Variants in USP44 observed in about 807,000 individuals in gnomAD.
The protein encoded by USP44 is ubiquitin carboxyl-terminal hydrolase 44.
USP44 carries 61 observed loss-of-function variants against 69.0 expected under a neutral mutation model. The ratio of observed to expected loss-of-function variants is 0.88; its 90% CI spans 0.72 to 1.09. The LOEUF is 1.09. Among genes scored for constraint, USP44 ranks in the 50% least tolerant of loss-of-function variants. The pLI is 0.00. For missense variants in USP44, 753 were observed against 849.9 expected (o/e 0.89, Z 1.42); for synonymous variants, 297 against 295.4 (o/e 1.01, Z -0.06).
chr12:95,522,708 G>A (rs1252419762), intron 4 of USP44, among the ~76,000 whole-genome samples: 3 of 150,096 alleles, frequency 2.0e-5, no homozygotes, highest in Non-Finnish European at 2.9e-5. Context: ...AACCCGGGAC[G>A]CAGAGGTTGC....
At chr12:95,531,338 A>G (rs2596733) in intron 2 of USP44, among the ~76,000 whole-genome samples, 11,832 of 152,178 alleles carry the variant, frequency 0.078, 649 homozygotes, top group Non-Finnish European at 0.12. Flanking sequence ...TAAATGCAAA[A>G]TGACCAATTA....
In USP44 at chr12:95,528,724, A is replaced by G. The variant is rs995075113; in HGVS notation, c.1624+83T>C. 21 of 1,404,942 alleles carry G rather than the reference A, an allele frequency of 1.5e-5. No individual in the cohort carries two copies. In the African/African-American group the frequency reaches 2.0e-4, roughly 14 times the overall value. The allele number at this position is 1,404,942 out of a possible 1,614,324, so 87.0% of individuals were successfully genotyped here. A position where few individuals can be genotyped will look rare whatever the true frequency, so the allele number is the denominator to read the frequency against. ...AAAAAAGTTCATTTTCATAACTGCTAAAGATTTCTTTCAGCTTCCTCTCAT... is the reference window on the plus strand; with the variant it reads ...AAAAAAGTTCATTTTCATAACTGCTGAAGATTTCTTTCAGCTTCCTCTCAT... On this transcript the variant is annotated intron_variant, in intron 3 of 5. Coordinates refer to ENST00000258499, the MANE Select transcript of USP44 (RefSeq NM_032147.5).
chr12:95,536,125 C>T (rs968543473), intron 1 of USP44, among the ~76,000 whole-genome samples: 2 of 149,656 alleles, frequency 1.3e-5, no homozygotes, highest in East Asian at 3.9e-4. Context: ...TCACTGCAAC[C>T]TCCACCTCCC....
In USP44 at chr12:95,532,987, C is replaced by A; in HGVS notation, c.1270G>T (p.Ala424Ser). 1.2e-6 allele frequency: 2 copies of A among 1,614,122 alleles called. No individual in the cohort carries two copies. Among genetic ancestry groups the A allele is most frequent in the Non-Finnish European group, 1.7e-6 (2 of 1,180,026 alleles). Residue 424 changes from alanine (A) to serine (S), a missense_variant, in exon 2 of 6, where the codon GCT becomes TCT. Physicochemically the swap from Ala to Ser is moderately conservative, Grantham distance 99 (BLOSUM62 1). Transcript: ENST00000258499. The part of the protein sequence containing the change: ...PAFRGYAQQD[A>S]QEFLCELLDK... Reference sequence around the variant, plus strand: ...AAAAGTTCACAAAGAAATTCCTGAGCGTCTTGTTGGGCGTAACCACGAAAG... The same window carrying A: ...AAAAGTTCACAAAGAAATTCCTGAGAGTCTTGTTGGGCGTAACCACGAAAG...
intron 4 of USP44, chr12:95,521,964 C>T: frequency 1.2e-6 from 1 of 831,570 alleles, no homozygotes; most frequent in Non-Finnish European, 1.4e-6. Context: ...ACTGTGTCCC[C>T]TCGCTGTGTG....
Position 95,548,963 on chromosome 12 carries a change from G to T in USP44, c.-71+2309C>A, listed in dbSNP as rs968965508. 6.6e-6 allele frequency: 1 copy of T among 151,888 alleles called. No homozygotes were observed. Among genetic ancestry groups the T allele is most frequent in the Non-Finnish European group, 1.5e-5 (1 of 68,006 alleles). 9.4% of individuals were successfully genotyped at this position (151,888 alleles called of 1,614,324 possible). On this transcript the variant is annotated intron_variant, in intron 1 of 5. Transcript: ENST00000258499. The surrounding 1 kb of genome is among the most constrained non-coding windows in gnomAD (Gnocchi z 4.1). The stretch of plus-strand genomic sequence containing the variant: ...TGCCGGTGGCCGCCTTCCGCGCCTC[G>T]TGGGGGGGTCGGGGCCACGGACGGT...
At chr12:95,528,762 T>A (rs2076929752) in intron 3 of USP44, 45 bp downstream of exon 3, 1 of 1,552,736 alleles carries the variant, frequency 6.4e-7, no homozygotes, top group Non-Finnish European at 8.7e-7. Flanking sequence ...GCGTTTCTCT[T>A]TATCATTCCT....
chr12:95,534,738 C>T (rs566355329), intron 1 of USP44, among the ~76,000 whole-genome samples: 1 of 148,796 alleles, frequency 6.7e-6, no homozygotes, highest in Non-Finnish European at 1.5e-5. Context: ...TGCAGTGGTG[C>T]GATCTCAGCT....
intron 4 of USP44, among the ~76,000 whole-genome samples, chr12:95,523,978 G>A (rs945083450): frequency 1.3e-5 from 2 of 152,090 alleles, no homozygotes; most frequent in Non-Finnish European, 2.9e-5. Context: ...CAGGGTTCAA[G>A]TGATTCTCCT....
rs761419444 is a variant in USP44, at chr12:95,548,252, G to A, written c.-71+3020C>T. ...CCCTCCCGAAGTGCCCCGGGGCTTC[G>A]AGCATCACCTCGCGGTAATCCGGGA... On this transcript the variant is annotated intron_variant, in intron 1 of 5. Transcript: ENST00000258499. This position sits in a 1 kb window ranked among gnomAD's most constrained non-coding sequence, Gnocchi z 4.1. 8 of 151,988 alleles carry A rather than the reference G, an allele frequency of 5.3e-5. No individual in the cohort carries two copies. The highest frequency in any genetic ancestry group is 1.3e-4 in the Admixed American group (2 of 15,274). 9.4% of individuals were successfully genotyped at this position (151,988 alleles called of 1,614,324 possible).
chr12:95,549,862 C>CT (rs1200678463), intron 1 of USP44, among the ~76,000 whole-genome samples: 2 of 152,054 alleles, frequency 1.3e-5, no homozygotes, highest in African/African-American at 4.8e-5. Flanking sequence ...AGGATTCTAA[C>CT]TAACAGGAAA....
intron 3 of USP44, among the ~76,000 whole-genome samples, chr12:95,526,270 AT>A (rs2076829713): frequency 6.6e-6 from 1 of 152,126 alleles, no homozygotes; most frequent in Non-Finnish European, 1.5e-5. Flanking sequence ...ACAAAGATTT[AT>A]TTTTTAAAAA....
intron 1 of USP44, chr12:95,546,465 T>C (rs1592754910): frequency 6.6e-6 from 1 of 152,230 alleles, no homozygotes; most frequent in East Asian, 1.9e-4. Context: ...ATTTGTAGAA[T>C]CCTCCTGTAT....
At chr12:95,544,046 ATCT>A (rs1223742735) in intron 1 of USP44, among the ~76,000 whole-genome samples, 1 of 126,796 alleles carries the variant, frequency 7.9e-6, no homozygotes, top group Non-Finnish European at 1.6e-5. Flanking sequence ...AATTTTAGTT[ATCT>A]TTTTTTTTTT....
chr12:95,528,002 C>A (rs1350699194), intron 3 of USP44, among the ~76,000 whole-genome samples: 4 of 152,004 alleles, frequency 2.6e-5, no homozygotes, highest in African/African-American at 9.7e-5. Context: ...CCATGCCCAG[C>A]TAATTTTTGT....
chr12:95,543,089 A>G (rs1302608926), intron 1 of USP44, among the ~76,000 whole-genome samples: 6 of 131,050 alleles, frequency 4.6e-5, no homozygotes, highest in Non-Finnish European at 1.0e-4. Context: ...CTCTGTCTCA[A>G]AAAAAAAAAA....
In USP44 at chr12:95,518,008, C is replaced by A; in HGVS notation, c.*146G>T. The stretch of plus-strand genomic sequence containing the variant: ...CCTTCAGTTGATATATACATTTATA[C>A]TTTGTAAAAAAAAAAATTGTTAGAT... On this transcript the variant is annotated 3_prime_UTR_variant, in exon 6 of 6. Coordinates refer to ENST00000258499, the MANE Select transcript of USP44 (RefSeq NM_032147.5). 1.2e-6 allele frequency: 1 copy of A among 850,420 alleles called. No homozygotes were observed. The highest frequency in any genetic ancestry group is 1.7e-6 in the Non-Finnish European group (1 of 578,504). 52.7% of individuals were successfully genotyped at this position (850,420 alleles called of 1,614,324 possible).
intron 4 of USP44, among the ~76,000 whole-genome samples, chr12:95,522,702 C>T (rs375817971): frequency 1.0e-4 from 15 of 150,370 alleles, no homozygotes; most frequent in South Asian, 4.2e-4. Context: ...CGCTTGAACC[C>T]GGGACGCAGA....
At chr12:95,551,521 A>T (rs1285693870), upstream of USP44, 3 of 152,258 alleles carry the variant, frequency 2.0e-5, no homozygotes, top group East Asian at 1.9e-4. Context: ...CCCATCCCCC[A>T]CCCCCAGCAG....
Sources: allele counts gnomAD v4.1 joint callset (sites outside exome capture counted in the v4.1 genomes callset), GRCh38; gene constraint gnomAD v4.1.1; non-coding constraint Gnocchi (gnomAD v3.1); transcripts MANE v1.5; gene names NCBI Gene and HGNC (gene_info 2026-07-23, HGNC 2026-07-21).